Variants in IGSF21 observed in about 807,000 individuals in gnomAD.
IGSF21 encodes the protein immunoglobulin superfamily member 21.
In IGSF21, 28 loss-of-function variants were observed where a neutral mutation model predicts 46.8. The observed-to-expected ratio is 0.60, with a 90% CI of 0.44 to 0.82. The LOEUF (loss-of-function observed/expected upper bound fraction) is 0.82. IGSF21 is among the 40% of genes least tolerant of loss of function. The probability of loss-of-function intolerance (pLI) is 0.00; values close to 1 mark genes in which losing one functional copy is unlikely to be tolerated. For synonymous variants in IGSF21, 284 were observed against 273.6 expected (o/e 1.04, Z -0.38); for missense variants, 624 against 665.5 (o/e 0.94, Z 0.69).
At position 18,202,036 on chromosome 1, in the gene IGSF21, T is replaced by G. The variant is rs1206257552; in HGVS notation, c.71-25862T>G. Among the ~76,000 whole-genome samples, 3 of 152,156 alleles carry G rather than the reference T, an allele frequency of 2.0e-5. No individual in the cohort carries two copies. The East Asian group carries it at 5.8e-4, about 29-fold the overall frequency. On this transcript the variant is annotated intron_variant, in intron 1 of 9. Transcript: ENST00000251296. ...GGAGAGCACCAAGCACTTGGAAAATTCCATTCCCAGCCTTCCCAGCTCATT... is the reference window on the plus strand; with the variant it reads ...GGAGAGCACCAAGCACTTGGAAAATGCCATTCCCAGCCTTCCCAGCTCATT...
chr1:18,146,345 G>A (rs1301262606), intron 1 of IGSF21, among the ~76,000 whole-genome samples: 6 of 152,152 alleles, frequency 3.9e-5, no homozygotes, highest in Non-Finnish European at 7.3e-5. Flanking sequence ...AGAGGGGGAT[G>A]GGTGGGGTGC....
rs367551669 is a variant in IGSF21 at position 18,365,248 on chromosome 1, C to A, written c.566C>A (p.Pro189Gln). The change falls in exon 6 of 10, where the codon CCA becomes CAA. Residue 189 changes from proline to glutamine, a missense_variant. Pro to Gln is a moderately conservative substitution (Grantham distance 76). Transcript: ENST00000251296. The surrounding 1 kb of genome is among the most constrained non-coding windows in gnomAD (Gnocchi z 4.8). ...GTTTATTTCAAACGAGATGGGGAAC[C>A]AATCGACGCAGTGCCCCTATCAGAG... Reference protein sequence around the residue: ...PMVYFKRDGEPIDAVPLSEPP... With the variant: ...PMVYFKRDGEQIDAVPLSEPP... 2.3e-5 allele frequency: 37 copies of A among 1,605,012 alleles called. No homozygotes were observed. The East Asian group carries it at 6.0e-4, about 26-fold the overall frequency.
At chr1:18,212,948 T>G (rs2084407396) in intron 1 of IGSF21, among the ~76,000 whole-genome samples, 1 of 152,146 alleles carries the variant, frequency 6.6e-6, no homozygotes. Flanking sequence ...GAAAAGACAC[T>G]AGTATGGTAG....
intron 2 of IGSF21, among the ~76,000 whole-genome samples, chr1:18,262,251 G>A (rs1367987578): frequency 6.6e-6 from 1 of 152,208 alleles, no homozygotes; most frequent in Non-Finnish European, 1.5e-5. Context: ...ATCTGTCCTT[G>A]TTGAGGGCTG....
intron 3 of IGSF21, among the ~76,000 whole-genome samples, chr1:18,315,333 C>A (rs113672965): frequency 7.2e-5 from 11 of 152,340 alleles, no homozygotes; most frequent in African/African-American, 2.6e-4. Context: ...GGTCTACCAG[C>A]ACCCCAGATG....
intron 1 of IGSF21, among the ~76,000 whole-genome samples, chr1:18,214,763 T>A (rs1158012474): frequency 1.3e-5 from 2 of 152,022 alleles, no homozygotes; most frequent in Non-Finnish European, 2.9e-5. Flanking sequence ...TGAGACGGAG[T>A]CTTGCTCTGT....
At chr1:18,237,480 C>T (rs747300751) in intron 2 of IGSF21, among the ~76,000 whole-genome samples, 21 of 152,198 alleles carry the variant, frequency 1.4e-4, no homozygotes, top group Admixed American at 4.6e-4. Context: ...GCAAAACAGA[C>T]GAAAAGCCCC....
intron 4 of IGSF21, among the ~76,000 whole-genome samples, chr1:18,350,890 G>T (rs890431686): frequency 6.6e-6 from 1 of 152,160 alleles, no homozygotes; most frequent in South Asian, 2.1e-4. Flanking sequence ...GGAGTGCGGT[G>T]GGGGGTAGGG....
rs74056557 is a variant in IGSF21, at chr1:18,241,204, T to C, written c.183+13194T>C. On this transcript the variant is annotated intron_variant, in intron 2 of 9. Transcript: ENST00000251296. Reference sequence around the variant, plus strand: ...ACAACTTATGGCCTTATACAAAGCATCTCTGTCCATGCCACACTGCTTTAA... The same window carrying C: ...ACAACTTATGGCCTTATACAAAGCACCTCTGTCCATGCCACACTGCTTTAA... 5.5e-3 allele frequency among the ~76,000 whole-genome samples: 839 copies of C among 152,304 alleles called. 10 individuals are homozygous for C. Among genetic ancestry groups the C allele is most frequent in the African/African-American group, 0.019 (782 of 41,556 alleles).
intron 6 of IGSF21, among the ~76,000 whole-genome samples, chr1:18,371,603 C>G (rs567225458): frequency 2.4e-4 from 36 of 151,696 alleles, no homozygotes; most frequent in Admixed American, 2.1e-3. Flanking sequence ...TCAAAAGAAG[C>G]CAGATGACAG....
chr1:18,267,567 A>C (rs1321612891), intron 2 of IGSF21, among the ~76,000 whole-genome samples: 1 of 152,186 alleles, frequency 6.6e-6, no homozygotes, highest in African/African-American at 2.4e-5. Context: ...GTTTGGAGAA[A>C]GGCCTCAGGC....
chr1:18,320,271 C>G (rs1382892212), intron 3 of IGSF21, among the ~76,000 whole-genome samples: 1 of 152,176 alleles, frequency 6.6e-6, no homozygotes, highest in East Asian at 1.9e-4. Context: ...TCCTCTGTCT[C>G]TCATCTGCTG....
At chr1:18,128,713 C>A (rs959570920) in intron 1 of IGSF21, among the ~76,000 whole-genome samples, 2 of 152,136 alleles carry the variant, frequency 1.3e-5, no homozygotes, top group African/African-American at 4.8e-5. Context: ...AGATGAAACT[C>A]CCCTAGTGGG....
intron 1 of IGSF21, among the ~76,000 whole-genome samples, chr1:18,152,327 T>C (rs60072291): frequency 6.6e-6 from 1 of 152,154 alleles, no homozygotes; most frequent in Non-Finnish European, 1.5e-5. Context: ...TTCCACTGCA[T>C]GCAGTCATCG....
intron 6 of IGSF21, among the ~76,000 whole-genome samples, chr1:18,369,760 C>G (rs533061295): frequency 1.3e-5 from 2 of 152,328 alleles, no homozygotes; most frequent in South Asian, 2.1e-4. Context: ...CTCCTCTTCC[C>G]TTGCAGGGAT....
At chr1:18,376,536 T>C in intron 7 of IGSF21, 141 bp downstream of exon 7, 2 of 752,556 alleles carry the variant, frequency 2.7e-6, no homozygotes, top group Non-Finnish European at 4.7e-6. Context: ...TCCCAATGTG[T>C]AATTGGGAGA....
intron 1 of IGSF21, among the ~76,000 whole-genome samples, chr1:18,139,466 G>A (rs905946858): frequency 3.3e-5 from 5 of 152,236 alleles, no homozygotes; most frequent in African/African-American, 1.2e-4. Context: ...CAGTGTCTTC[G>A]GCCTCCCAGA....
At chr1:18,252,767 G>A (rs543522365) in intron 2 of IGSF21, among the ~76,000 whole-genome samples, 8 of 152,190 alleles carry the variant, frequency 5.3e-5, no homozygotes, top group African/African-American at 1.4e-4. Flanking sequence ...GGGGGCCGGG[G>A]GTACAAAGAT....
intron 3 of IGSF21, among the ~76,000 whole-genome samples, chr1:18,302,347 T>C (rs905911541): frequency 6.6e-6 from 1 of 152,092 alleles, no homozygotes; most frequent in South Asian, 2.1e-4. Context: ...ACCAAGGCCA[T>C]GAGCAGCCCA....
Sources: gnomAD v4.1 joint callset for allele counts (sites outside exome capture counted in the v4.1 genomes callset) on GRCh38, gnomAD v4.1.1 for gene constraint, Gnocchi (gnomAD v3.1) non-coding constraint, MANE v1.5 for transcripts, NCBI Gene and HGNC (gene_info 2026-07-23, HGNC 2026-07-21) for gene names.